The following PPEF1 variants were observed in gnomAD, a reference collection of about 807,000 sequenced individuals.
PPEF1 encodes the protein protein phosphatase with EF-hand domain 1.
A neutral mutation model predicts 53.3 loss-of-function variants in PPEF1; 12 were observed. The ratio of observed to expected loss-of-function variants is 0.23; its 90% CI spans 0.14 to 0.36. PPEF1 has a LOEUF of 0.36. PPEF1 is among the 10% of genes least tolerant of loss of function. The pLI is 1.00. For missense variants in PPEF1, 334 were observed against 490.4 expected, an observed-to-expected ratio of 0.68 and a Z score of 3.01; for synonymous variants, 165 against 176.7, an observed-to-expected ratio of 0.93 and a Z score of 0.52.
At chrX:18,675,966 G>GGGGC (rs1928660024) in exon 1 of PPEF1, 1 of 88,662 alleles carries the variant, frequency 1.1e-5, no homozygotes, top group Non-Finnish European at 2.2e-5. Flanking sequence ...CGGGGGGGGG[G>GGGGC]GGGCATCTTT....
intron 12 of PPEF1, among the ~76,000 whole-genome samples, chrX:18,816,552 G>T (rs2046920295): frequency 1.8e-5 from 2 of 111,497 alleles, no homozygotes; most frequent in Non-Finnish European, 3.8e-5. Flanking sequence ...AGGTCTAGTT[G>T]GTTTGAGTGC....
chrX:18,804,691 G>T (rs2046623269), intron 11 of PPEF1, among the ~76,000 whole-genome samples: 1 of 112,245 alleles, frequency 8.9e-6, no homozygotes, highest in African/African-American at 3.2e-5. Flanking sequence ...CATACAGTGG[G>T]GTTGAGAATG....
intron 1 of PPEF1, among the ~76,000 whole-genome samples, chrX:18,717,480 C>T (rs191550265): frequency 1.8e-5 from 2 of 110,263 alleles, no homozygotes; most frequent in African/African-American, 6.6e-5. Context: ...CGTCTCTCTC[C>T]TCCCCTTCAA....
At chrX:18,767,273 C>T (rs961381225) in intron 6 of PPEF1, among the ~76,000 whole-genome samples, 10 of 110,293 alleles carry the variant, frequency 9.1e-5, no homozygotes, top group Non-Finnish European at 1.5e-4. Flanking sequence ...GGGGACCAGG[C>T]GCGTGGCTCA....
At chrX:18,793,391 T>C (rs1348794366) in intron 10 of PPEF1, among the ~76,000 whole-genome samples, 1 of 111,747 alleles carries the variant, frequency 8.9e-6, no homozygotes, top group Non-Finnish European at 1.9e-5. Context: ...TAAAATTTAA[T>C]TTGATTGTGG....
chrX:18,791,560 C>T (rs1393435969), intron 10 of PPEF1, among the ~76,000 whole-genome samples: 1 of 112,150 alleles, frequency 8.9e-6, no homozygotes, highest in Non-Finnish European at 1.9e-5. Flanking sequence ...CTTTGATAAA[C>T]GTATTAGTTC....
intron 1 of PPEF1, among the ~76,000 whole-genome samples, chrX:18,708,955 T>TA (rs1425662011): frequency 2.1e-4 from 22 of 103,688 alleles, no homozygotes; most frequent in East Asian, 2.9e-4. Context: ...TTTCCTAGGT[T>TA]AAAAAAAAAA....
chrX:18,792,796 A>G (rs976571946), intron 10 of PPEF1, among the ~76,000 whole-genome samples: 1 of 111,981 alleles, frequency 8.9e-6, no homozygotes, highest in African/African-American at 3.2e-5. Flanking sequence ...AGTACACTCC[A>G]CAGTGTGGGA....
chrX:18,734,593 G>A (rs2044924248), intron 3 of PPEF1, among the ~76,000 whole-genome samples: 1 of 111,168 alleles, frequency 9.0e-6, no homozygotes, highest in Non-Finnish European at 1.9e-5. Context: ...AAACATACGT[G>A]TGCATGTCTC....
At chrX:18,824,149 A>G in intron 14 of PPEF1, 63 bp downstream of exon 14, 11 of 1,073,490 alleles carry the variant, frequency 1.0e-5, no homozygotes, top group African/African-American at 5.5e-5. Context: ...GTCCTTTGAA[A>G]AGCTGGGAGT....
At chrX:18,764,952 A>G (rs2045738415) in intron 6 of PPEF1, among the ~76,000 whole-genome samples, 1 of 112,027 alleles carries the variant, frequency 8.9e-6, no homozygotes. Context: ...ACTATATGGA[A>G]CATATAAAAC....
Position 18,711,092 on chromosome X carries a change from GTA to G in PPEF1, c.46+3280_46+3281del, listed in dbSNP as rs58474400. Among the ~76,000 whole-genome samples, 464 of 98,809 alleles carry G rather than the reference GTA, an allele frequency of 4.7e-3. 3 individuals are homozygous for G. The highest frequency in any genetic ancestry group is 0.021 in the Middle Eastern group (4 of 189). The allele number at this position is 98,809 out of a possible 115,157, so 85.8% of individuals were successfully genotyped here. A position where few individuals can be genotyped will look rare whatever the true frequency, so the allele number is the denominator to read the frequency against. ...TATGTATATATATGTGTGTGTGTGT[GTA>G]TATATATATATATGCATGCCATGGA... On this transcript the variant is annotated intron_variant, in intron 1 of 15. Transcript: ENST00000470157.
intron 9 of PPEF1, among the ~76,000 whole-genome samples, chrX:18,788,333 C>A (rs552319014): frequency 1.5e-4 from 14 of 91,755 alleles, no homozygotes; most frequent in Admixed American, 2.5e-4. Context: ...AAAAAGGAAA[C>A]TTAAGTGCCT....
At chrX:18,738,217 C>T (rs1344632187) in intron 3 of PPEF1, among the ~76,000 whole-genome samples, 2 of 111,732 alleles carry the variant, frequency 1.8e-5, no homozygotes, top group Admixed American at 9.6e-5. Context: ...TTCTTCCTAG[C>T]CACGATGGTC....
chrX:18,707,592 C>T (rs1602363112), upstream of PPEF1: 4 of 411,059 alleles, frequency 9.7e-6, no homozygotes, highest in East Asian at 1.6e-4. Context: ...TCCTGCTGAG[C>T]AGCCCCTCAG....
At chrX:18,685,878 CA>C (rs1017777742) in intron 2 of PPEF1, among the ~76,000 whole-genome samples, 1 of 110,671 alleles carries the variant, frequency 9.0e-6, no homozygotes, top group Non-Finnish European at 1.9e-5. Flanking sequence ...GACGTGTTTA[CA>C]AAAAGAACAA....
intron 12 of PPEF1, among the ~76,000 whole-genome samples, chrX:18,810,081 T>G (rs1200433806): frequency 8.3e-5 from 2 of 24,083 alleles, no homozygotes; most frequent in African/African-American, 2.5e-4. Context: ...ATCCTCTGTG[T>G]GTGTGTGTGT....
chrX:18,711,098 A>ATATG (rs1306484815), intron 1 of PPEF1, among the ~76,000 whole-genome samples: 1 of 107,058 alleles, frequency 9.3e-6, no homozygotes, highest in South Asian at 4.1e-4. Context: ...GTGTGTATAT[A>ATATG]TATATATATG....
chrX:18,749,020 C>G (rs767053692), intron 3 of PPEF1, among the ~76,000 whole-genome samples: 4 of 111,800 alleles, frequency 3.6e-5, no homozygotes, highest in Non-Finnish European at 7.5e-5. Context: ...TGCAATCCAT[C>G]TACCATGTTT....
Sources: gnomAD v4.1 joint callset for allele counts (sites outside exome capture counted in the v4.1 genomes callset) on GRCh38, gnomAD v4.1.1 for gene constraint, MANE v1.5 for transcripts, NCBI Gene and HGNC (gene_info 2026-07-23, HGNC 2026-07-21) for gene names.